NEIL3: variants seen among roughly 807,000 people sequenced by gnomAD.
NEIL3 encodes endonuclease 8-like 3.
A neutral mutation model predicts 57.5 loss-of-function variants in NEIL3; 48 were observed. The observed-to-expected ratio is 0.83, with a 90% CI of 0.66 to 1.06. The LOEUF (loss-of-function observed/expected upper bound fraction) is 1.06. Ranked by LOEUF, NEIL3 falls within the 50% of genes least tolerant of loss-of-function variation. The pLI is 0.00. For missense variants in NEIL3, 717 were observed against 739.1 expected (o/e 0.97, Z 0.35); for synonymous variants, 261 against 253.2 (o/e 1.03, Z -0.29).
chr4:177,371,076 CTT>C, the NEIL3 span, among the ~76,000 whole-genome samples: 3 of 152,144 alleles, frequency 2.0e-5, no homozygotes, highest in African/African-American at 7.2e-5. Context: ...AAAGAACAGT[CTT>C]ATAAATTTTT....
Position 177,335,808 on chromosome 4 carries a change from A to G in NEIL3, c.399A>G (p.Ser133=), listed in dbSNP as rs61753338. 3.0e-5 allele frequency: 47 copies of G among 1,563,906 alleles called. No homozygotes were observed. The highest frequency in any genetic ancestry group is 4.0e-5 in the Non-Finnish European group (46 of 1,160,394). The change falls in exon 3 of 10, where the codon TCA becomes TCG. Residue 133 remains serine, a synonymous_variant. Transcript: ENST00000264596. ...AAGATTTGATTTGTTTCTTTGACTC[A>G]TCAGTAGAACTCAGGTAAAAAAAAT... is the stretch of plus-strand genomic sequence containing the variant. ...LTKDLICFFD[S]SVELRNSMES... is the part of the protein sequence containing the mutation.
intron 6 of NEIL3, among the ~76,000 whole-genome samples, chr4:177,351,132 A>T (rs1277248677): frequency 7.2e-6 from 1 of 138,020 alleles, no homozygotes; most frequent in Non-Finnish European, 1.5e-5. Flanking sequence ...TGAGTCCAGG[A>T]GTTCGAGGCT....
At chr4:177,351,685 C>A (rs1207705185) in intron 7 of NEIL3, 136 bp downstream of exon 7, 2 of 706,076 alleles carry the variant, frequency 2.8e-6, no homozygotes, top group Non-Finnish European at 4.7e-6. Flanking sequence ...AAGGAATTGC[C>A]AGTTTTCACA....
At position 177,333,547 on chromosome 4, in the gene NEIL3, A is replaced by G. The variant is rs575754826; in HGVS notation, c.279-2141A>G. ...TGTATGAAGTATCTTACAAAACCTG[A>G]AGAGAATACAGGCAGGCTTCAAGGA... On this transcript the variant is annotated intron_variant, in intron 2 of 9. Coordinates refer to ENST00000264596, the MANE Select transcript of NEIL3 (RefSeq NM_018248.3). 1.2e-4 allele frequency among the ~76,000 whole-genome samples: 18 copies of G among 152,320 alleles called. No individual in the cohort carries two copies. In the East Asian group the frequency reaches 3.5e-3, roughly 29 times the overall value.
intron 1 of NEIL3, among the ~76,000 whole-genome samples, chr4:177,310,694 A>G (rs537535590): frequency 2.0e-5 from 3 of 152,268 alleles, no homozygotes; most frequent in Non-Finnish European, 4.4e-5. Flanking sequence ...AAAGTAAACT[A>G]GCACAGCTTC....
rs79895217 is a variant in NEIL3, at chr4:177,342,132, G to A, written c.869+490G>A. Among the ~76,000 whole-genome samples the A allele has an allele frequency of 5.5e-3, 832 of 152,250 alleles. 10 individuals are homozygous for A. Among genetic ancestry groups the A allele is most frequent in the African/African-American group, 0.019 (793 of 41,524 alleles). On this transcript the variant is annotated intron_variant, in intron 6 of 9. Transcript: ENST00000264596. ...ACATTCCAGAACTGGAGAAATAACC[G>A]CAGGATAGGTTTGAGGACTTACTGT...
At chr4:177,338,065 CTCTTAGCT>C (rs978440100) in intron 4 of NEIL3, among the ~76,000 whole-genome samples, 1 of 151,864 alleles carries the variant, frequency 6.6e-6, no homozygotes, top group African/African-American at 2.4e-5. Flanking sequence ...TGAAATTTAG[CTCTTAGCT>C]TCTTAAAAGC....
chr4:177,312,601 G>A (rs1734498080), intron 1 of NEIL3, among the ~76,000 whole-genome samples: 1 of 152,108 alleles, frequency 6.6e-6, no homozygotes, highest in South Asian at 2.1e-4. Context: ...GTCAGTAATG[G>A]TTAGGCAATT....
intron 1 of NEIL3, among the ~76,000 whole-genome samples, chr4:177,316,336 AAC>A (rs1734573993): frequency 6.6e-6 from 1 of 152,142 alleles, no homozygotes; most frequent in Non-Finnish European, 1.5e-5. Context: ...CTGGTTGCTA[AAC>A]ACAGAGGAAC....
downstream of NEIL3, among the ~76,000 whole-genome samples, chr4:177,367,604 T>A (rs139136559): frequency 5.4e-4 from 83 of 152,330 alleles, 2 homozygotes; most frequent in African/African-American, 1.9e-3. Context: ...TGGACAGAGC[T>A]GTCAGATTTC....
Position 177,341,551 on chromosome 4 carries a change from A to G in NEIL3, c.778A>G (p.Arg260Gly). The change falls in exon 6 of 10, where the codon AGA (arginine) becomes GGA (glycine). Residue 260 changes from arginine (R) to glycine (G), a missense_variant. Coordinates refer to ENST00000264596, the MANE Select transcript of NEIL3 (RefSeq NM_018248.3). ...TCCTAATTGTGGTCAGTGCCACTGC[A>G]GAATAACTGTGTGCCGCTTTGGGGA... ...KRPNCGQCHC[R>G]ITVCRFGDNN... The G allele has an allele frequency of 6.2e-7, 1 of 1,613,772 alleles. No individual in the cohort carries two copies. Among genetic ancestry groups the G allele is most frequent in the Non-Finnish European group, 8.5e-7 (1 of 1,179,866 alleles).
intron 1 of NEIL3, among the ~76,000 whole-genome samples, chr4:177,317,533 C>T (rs1211228624): frequency 1.3e-5 from 2 of 150,892 alleles, no homozygotes; most frequent in Admixed American, 6.6e-5. Flanking sequence ...GTTTGAAGAA[C>T]TAGCCACCAA....
intron 4 of NEIL3, 79 bp downstream of exon 4, chr4:177,336,400 C>A: frequency 1.9e-6 from 2 of 1,054,494 alleles, no homozygotes; most frequent in South Asian, 1.5e-5. Flanking sequence ...CTTAACTCTG[C>A]ATTTCAGTAA....
Position 177,362,310 on chromosome 4 carries a change from T to C in NEIL3, c.1657T>C (p.Phe553Leu). 1 of 1,606,262 alleles carries C rather than the reference T, an allele frequency of 6.2e-7. No homozygotes were observed. The change falls in exon 10 of 10, where the codon TTC (phenylalanine) becomes CTC (leucine). Residue 553 changes from phenylalanine to leucine, a missense_variant. By Grantham distance (22) the Phe-to-Leu change is conservative. Coordinates refer to ENST00000264596, the MANE Select transcript of NEIL3 (RefSeq NM_018248.3). ...GCAGTGGGCAGATTTGTCCTTCCCATTCTGCAACCATGGCAAGCGTTCCAC... is the reference window on the plus strand; with the variant it reads ...GCAGTGGGCAGATTTGTCCTTCCCACTCTGCAACCATGGCAAGCGTTCCAC... ...FFEWADLSFP[F>L]CNHGKRSTMK...
intron 1 of NEIL3, among the ~76,000 whole-genome samples, chr4:177,314,275 A>G (rs1405471625): frequency 6.6e-6 from 1 of 152,298 alleles, no homozygotes; most frequent in East Asian, 1.9e-4. Context: ...CTTACAAAGG[A>G]GGAAAAAGGG....
intron 1 of NEIL3, among the ~76,000 whole-genome samples, chr4:177,311,456 G>A (rs368860836): frequency 3.6e-4 from 54 of 152,014 alleles, no homozygotes; most frequent in African/African-American, 1.1e-3. Flanking sequence ...TGGGCAGATC[G>A]CCTGAGGTTG....
At chr4:177,347,748 G>A (rs762342014) in intron 6 of NEIL3, among the ~76,000 whole-genome samples, 3 of 152,116 alleles carry the variant, frequency 2.0e-5, no homozygotes, top group African/African-American at 4.8e-5. Context: ...TATATAATTT[G>A]GGGGCCCTTA....
chr4:177,329,230 A>C (rs1264616081), intron 2 of NEIL3, among the ~76,000 whole-genome samples: 2 of 152,182 alleles, frequency 1.3e-5, no homozygotes, highest in Non-Finnish European at 2.9e-5. Flanking sequence ...AACAATAGTA[A>C]TACAGTATAT....
At chr4:177,346,459 G>A (rs1331036523) in intron 6 of NEIL3, among the ~76,000 whole-genome samples, 9 of 152,170 alleles carry the variant, frequency 5.9e-5, no homozygotes, top group East Asian at 1.9e-4. Flanking sequence ...ATAAGCCACC[G>A]TGCCAGCCGA....
Sources: allele counts gnomAD v4.1 joint callset (sites outside exome capture counted in the v4.1 genomes callset), GRCh38; gene constraint gnomAD v4.1.1; transcripts MANE v1.5; gene names NCBI Gene and HGNC (gene_info 2026-07-23, HGNC 2026-07-21).